The following DYNC2H1 variants were observed in gnomAD, a reference collection of about 807,000 sequenced individuals.
DYNC2H1 encodes cytoplasmic dynein 2 heavy chain 1.
DYNC2H1 carries 410 observed loss-of-function variants against 570.0 expected under a neutral mutation model. That is an observed-to-expected ratio of 0.72 (90% CI 0.66 to 0.78). DYNC2H1 has a LOEUF of 0.78. Ranked by LOEUF, DYNC2H1 falls within the 30% of genes least tolerant of loss-of-function variation. DYNC2H1 has a pLI of 0.00. For missense variants in DYNC2H1, 4,865 were observed against 5,046.4 expected, an observed-to-expected ratio of 0.96 and a Z score of 1.09; for synonymous variants, 1,688 against 1,677.6, an observed-to-expected ratio of 1.01 and a Z score of -0.15.
At position 103,235,775 on chromosome 11, in the gene DYNC2H1, C is replaced by A; in HGVS notation, c.9671C>A (p.Thr3224Asn). The A allele has an allele frequency of 6.2e-7, 1 of 1,611,610 alleles. No individual in the cohort carries two copies. The highest frequency in any genetic ancestry group is 1.3e-5 in the African/African-American group (1 of 74,906). The part of the protein sequence containing the change: ...LSAAPESLRK[T>N]CLEEWTKSAG... ...GCTGCTCCTGAATCTCTGAGAAAAA[C>A]CTGTTTGGAAGAATGGACCAAGTCA... The change falls in exon 62 of 89, where the codon ACC becomes AAC. Residue 3224 changes from threonine (T) to asparagine (N), a missense_variant. Physicochemically the swap from Thr to Asn is moderately conservative, Grantham distance 65 (BLOSUM62 0). Coordinates refer to ENST00000375735, the MANE Select transcript of DYNC2H1 (RefSeq NM_001377.3).
intron 28 of DYNC2H1, 23 bp from the exon 29 acceptor site, chr11:103,160,909 C>T (rs1474336286): frequency 1.5e-6 from 2 of 1,375,428 alleles, no homozygotes; most frequent in Admixed American, 2.5e-5. Flanking sequence ...TTTTGCAATT[C>T]AATCATTGCT....
intron 85 of DYNC2H1, 42 bp downstream of exon 85, chr11:103,436,074 G>A: frequency 6.4e-7 from 1 of 1,562,528 alleles, no homozygotes; most frequent in Non-Finnish European, 8.8e-7. Flanking sequence ...CTGACTGTGT[G>A]ACTATTGTAT....
rs1863057966 is a variant in DYNC2H1, at chr11:103,209,295, T to G, written c.8455-581T>G. Among the ~76,000 whole-genome samples the G allele has an allele frequency of 6.6e-6, 1 of 152,038 alleles. No homozygotes were observed. Among genetic ancestry groups the G allele is most frequent in the African/African-American group, 2.4e-5 (1 of 41,442 alleles). On this transcript the variant is annotated intron_variant, in intron 52 of 88. Transcript: ENST00000375735. The surrounding 1 kb of genome is among the most constrained non-coding windows in gnomAD (Gnocchi z 4.2). ...AGGACACTAAACTTTCTTTTGTATA[T>G]TCTAAAGTAGCATTCTTATAAGGTT...
intron 82 of DYNC2H1, among the ~76,000 whole-genome samples, chr11:103,338,067 T>TGTA (rs1939242983): frequency 6.6e-6 from 1 of 152,198 alleles, no homozygotes; most frequent in South Asian, 2.1e-4. Flanking sequence ...GAGAGACAGC[T>TGTA]GTCTAGTTTA....
chr11:103,236,394 C>T (rs768178395), intron 62 of DYNC2H1, 36 bp from the exon 63 acceptor site: 2 of 1,182,482 alleles, frequency 1.7e-6, no homozygotes, highest in Non-Finnish European at 2.5e-6. Context: ...AGTACAAGAT[C>T]GTTGTGAAGT....
chr11:103,283,854 G>T (rs925108609), intron 73 of DYNC2H1, among the ~76,000 whole-genome samples: 10 of 151,884 alleles, frequency 6.6e-5, no homozygotes, highest in Non-Finnish European at 1.0e-4. Context: ...AAAAAGGGGG[G>T]GGAATTCTGC....
In DYNC2H1 at chr11:103,337,038, C is replaced by T. The variant is rs930555371; in HGVS notation, c.12039+13048C>T. Among the ~76,000 whole-genome samples the T allele has an allele frequency of 5.9e-5, 9 of 152,072 alleles. No homozygotes were observed. In the South Asian group the frequency reaches 6.2e-4, roughly 10 times the overall value. On this transcript the variant is annotated intron_variant, in intron 82 of 88. Coordinates refer to ENST00000375735, the MANE Select transcript of DYNC2H1 (RefSeq NM_001377.3). ...GCTGAAGGTCATGGGTTTACCAGAACGAGGGCAAGGAAAACCTGGCCCACC... is the reference window on the plus strand; with the variant it reads ...GCTGAAGGTCATGGGTTTACCAGAATGAGGGCAAGGAAAACCTGGCCCACC...
rs1215020872 is a variant in DYNC2H1 at position 103,231,269 on chromosome 11, G to C, written c.9363G>C (p.Lys3121Asn). 1 of 1,599,838 alleles carries C rather than the reference G, an allele frequency of 6.3e-7. No homozygotes were observed. Among genetic ancestry groups the C allele is most frequent in the Non-Finnish European group, 8.5e-7 (1 of 1,172,818 alleles). ...TEQAGLESNL[K>N]KTEDRKRKLE... is the part of the protein sequence containing the mutation. ...TTGAGTTATATTTTAGGAATCTGAA[G>C]AAAACTGAAGACAGAAAAAGGAAAC... Residue 3121 changes from lysine to asparagine, a missense_variant, in exon 60 of 89, where the codon AAG becomes AAC. Transcript: ENST00000375735.
At chr11:103,257,548 A>G in intron 68 of DYNC2H1, 60 bp from the exon 69 acceptor site, 3 of 1,472,272 alleles carry the variant, frequency 2.0e-6, no homozygotes, top group Non-Finnish European at 1.8e-6. Context: ...TTTAGGTGGC[A>G]GTAAAGCACT....
chr11:103,120,425 T>A (rs1858643067), intron 6 of DYNC2H1, 22 bp from the exon 7 acceptor site: 1 of 1,565,314 alleles, frequency 6.4e-7, no homozygotes. Context: ...ATAAATTCTG[T>A]TGTTTTAATA....
At chr11:103,478,441 C>T (rs144822792) in intron 88 of DYNC2H1, among the ~76,000 whole-genome samples, 2 of 152,272 alleles carry the variant, frequency 1.3e-5, no homozygotes, top group East Asian at 3.9e-4. Context: ...CAGACATATG[C>T]TGCTTGATGG....
chr11:103,229,118 G>T (rs1863906216), intron 59 of DYNC2H1, among the ~76,000 whole-genome samples: 1 of 152,202 alleles, frequency 6.6e-6, no homozygotes, highest in Non-Finnish European at 1.5e-5. Context: ...TGTATTTCCA[G>T]GCAGCCAGTG....
chr11:103,335,588 A>G (rs929998937), intron 82 of DYNC2H1, among the ~76,000 whole-genome samples: 13 of 152,078 alleles, frequency 8.5e-5, no homozygotes, highest in African/African-American at 2.2e-4. Context: ...CAGTCATATA[A>G]TTTTTATATT....
rs1275865339 is a variant in DYNC2H1, at chr11:103,323,928, C to T, written c.11977C>T (p.Pro3993Ser). Residue 3993 changes from proline to serine, a missense_variant, in exon 82 of 89, where the codon CCT (proline) becomes TCT (serine). Around this residue, in one of 5 missense-constraint regions of DYNC2H1, gnomAD observed 2,401 missense variants for 2,454.6 expected, o/e 0.98. Transcript: ENST00000375735. ...VIEKIPEDDKPSFFGLPANIA... is the reference protein window; with the variant it reads ...VIEKIPEDDKSSFFGLPANIA... ...TGAGAAAATTCCAGAGGACGACAAACCTAGTTTCTTTGGTCTGCCTGCCAA... is the reference window on the plus strand; with the variant it reads ...TGAGAAAATTCCAGAGGACGACAAATCTAGTTTCTTTGGTCTGCCTGCCAA... 2 of 1,612,818 alleles carry T rather than the reference C, an allele frequency of 1.2e-6. No homozygotes were observed. The highest frequency in any genetic ancestry group is 1.3e-5 in the African/African-American group (1 of 74,866).
At chr11:103,376,927 T>G (rs1941416044) in intron 83 of DYNC2H1, among the ~76,000 whole-genome samples, 1 of 152,222 alleles carries the variant, frequency 6.6e-6, no homozygotes. Flanking sequence ...TTGACTGATT[T>G]TTTTCTCAGT....
chr11:103,122,537 T>G (rs1191514859), intron 10 of DYNC2H1, among the ~76,000 whole-genome samples: 2 of 152,246 alleles, frequency 1.3e-5, no homozygotes, highest in Non-Finnish European at 2.9e-5. Context: ...TGAAAATCAC[T>G]GGGGCACAGA....
At chr11:103,431,453 T>G (rs926468284) in intron 84 of DYNC2H1, among the ~76,000 whole-genome samples, 3 of 152,136 alleles carry the variant, frequency 2.0e-5, no homozygotes, top group Non-Finnish European at 4.4e-5. Context: ...ATTTGCCAGC[T>G]CTGTGATTTT....
At position 103,435,812 on chromosome 11, in the gene DYNC2H1, G is replaced by A. The variant is rs181441769; in HGVS notation, c.12367-131G>A. 38 of 718,086 alleles carry A rather than the reference G, an allele frequency of 5.3e-5. 1 individual carries two copies. The East Asian group carries it at 8.5e-4, about 16-fold the overall frequency. The allele number at this position is 718,086 out of a possible 1,614,324, so 44.5% of individuals were successfully genotyped here. On this transcript the variant is annotated intron_variant, in intron 84 of 88. Transcript: ENST00000375735. Reference sequence around the variant, plus strand: ...CTGTCTCTACTGTTCAATTTAATGAGATCAAACTTAATGAATTTCATATGT... The same window carrying A: ...CTGTCTCTACTGTTCAATTTAATGAAATCAAACTTAATGAATTTCATATGT...
rs989170114 is a variant in DYNC2H1 at position 103,277,766 on chromosome 11, C to G, written c.10696-2582C>G. Reference sequence around the variant, plus strand: ...GTTCTGTTGTTTAGGGACTCCCTGTCAGTCCATTGTTAAAATTTATGCCTT... The same window carrying G: ...GTTCTGTTGTTTAGGGACTCCCTGTGAGTCCATTGTTAAAATTTATGCCTT... On this transcript the variant is annotated intron_variant, in intron 70 of 88. Coordinates refer to ENST00000375735, the MANE Select transcript of DYNC2H1 (RefSeq NM_001377.3). The surrounding 1 kb of genome is among the most constrained non-coding windows in gnomAD (Gnocchi z 4.3). Among the ~76,000 whole-genome samples the G allele has an allele frequency of 2.0e-5, 3 of 152,148 alleles. No homozygotes were observed. The highest frequency in any genetic ancestry group is 7.2e-5 in the African/African-American group (3 of 41,426).
Sources: allele counts gnomAD v4.1 joint callset (sites outside exome capture counted in the v4.1 genomes callset), GRCh38; gene constraint gnomAD v4.1.1; regional missense constraint gnomAD v4.1.1; non-coding constraint Gnocchi (gnomAD v3.1); transcripts MANE v1.5; gene names NCBI Gene and HGNC (gene_info 2026-07-23, HGNC 2026-07-21).